Variants in RIMS2 observed in about 807,000 individuals in gnomAD.
RIMS2 encodes regulating synaptic membrane exocytosis 2.
RIMS2 carries 59 observed loss-of-function variants against 174.4 expected under a neutral mutation model. The observed-to-expected ratio is 0.34, with a 90% CI of 0.27 to 0.42. RIMS2 has a LOEUF of 0.42. RIMS2 is among the 10% of genes least tolerant of loss of function. The pLI is 1.00. For missense variants in RIMS2, 1,620 were observed against 1,666.3 expected, an observed-to-expected ratio of 0.97 and a Z score of 0.48; for synonymous variants, 606 against 572.5, an observed-to-expected ratio of 1.06 and a Z score of -0.84.
intron 1 of RIMS2, among the ~76,000 whole-genome samples, chr8:103,556,055 G>C (rs1354535373): frequency 6.6e-6 from 1 of 151,996 alleles, no homozygotes; most frequent in Non-Finnish European, 1.5e-5. Flanking sequence ...TGAAATAAGG[G>C]GATTTGTGAG....
intron 1 of RIMS2, among the ~76,000 whole-genome samples, chr8:103,606,887 A>G (rs1412470629): frequency 6.6e-6 from 1 of 151,394 alleles, no homozygotes; most frequent in Admixed American, 6.6e-5. Flanking sequence ...TTTTGAGCCT[A>G]TGTGTGTCTC....
intron 1 of RIMS2, among the ~76,000 whole-genome samples, chr8:103,679,375 A>G (rs1322635859): frequency 6.6e-6 from 1 of 152,080 alleles, no homozygotes; most frequent in African/African-American, 2.4e-5. Flanking sequence ...GAAACAAGAA[A>G]TTTAACATCA....
intron 4 of RIMS2, among the ~76,000 whole-genome samples, chr8:103,904,191 C>T (rs1289137698): frequency 6.6e-6 from 1 of 152,040 alleles, no homozygotes; most frequent in African/African-American, 2.4e-5. Flanking sequence ...TGAATGAAAT[C>T]ATACAGTATG....
intron 19 of RIMS2, among the ~76,000 whole-genome samples, chr8:104,188,115 T>C (rs2098977740): frequency 1.3e-5 from 2 of 151,674 alleles, no homozygotes; most frequent in East Asian, 3.9e-4. Flanking sequence ...AATAGGACAA[T>C]ACTTAAATGA....
intron 1 of RIMS2, among the ~76,000 whole-genome samples, chr8:103,651,057 G>A (rs1022139759): frequency 9.8e-5 from 15 of 152,320 alleles, no homozygotes; most frequent in Admixed American, 2.0e-4. Flanking sequence ...CTAAGCAGCC[G>A]CTCTGCCGAA....
At chr8:103,814,858 A>G (rs1027304211) in intron 3 of RIMS2, among the ~76,000 whole-genome samples, 3 of 152,198 alleles carry the variant, frequency 2.0e-5, no homozygotes, top group African/African-American at 7.2e-5. Context: ...CAAAATATCT[A>G]TATCTATACT....
Position 103,926,592 on chromosome 8 carries a change from T to G in RIMS2, c.2197-1250T>G, listed in dbSNP as rs574985863. On this transcript the variant is annotated intron_variant, in intron 10 of 23. Transcript: ENST00000504942. Reference sequence around the variant, plus strand: ...ACGTGTCTGTTCAATGCCAACTGAATTGAGCAAAAGTACTCCTAGTACTCA... The same window carrying G: ...ACGTGTCTGTTCAATGCCAACTGAAGTGAGCAAAAGTACTCCTAGTACTCA... Among the ~76,000 whole-genome samples, 23 of 151,668 alleles carry G rather than the reference T, an allele frequency of 1.5e-4. No individual in the cohort carries two copies. In the East Asian group the frequency reaches 4.1e-3, roughly 27 times the overall value.
At position 103,501,060 on chromosome 8, in the gene RIMS2, CAAGT is replaced by C; in HGVS notation, c.176+2_176+5del. On this transcript the variant is annotated splice_donor_variant and coding_sequence_variant, in exon 1 of 24. Coordinates refer to ENST00000504942, the Ensembl canonical transcript of RIMS2. LOFTEE classifies it high-confidence loss of function. The stretch of plus-strand genomic sequence containing the variant: ...AAGAGGAGAAGGAGCAGTCCGTGCT[CAAGT>C]AAGGACCTGGCTCCATATTCCCGCC... 6.3e-7 allele frequency: 1 copy of C among 1,597,046 alleles called. No homozygotes were observed. Among genetic ancestry groups the C allele is most frequent in the Non-Finnish European group, 8.5e-7 (1 of 1,172,432 alleles).
At chr8:103,650,648 G>C (rs1448057055) in intron 1 of RIMS2, among the ~76,000 whole-genome samples, 1 of 152,240 alleles carries the variant, frequency 6.6e-6, no homozygotes, top group Non-Finnish European at 1.5e-5. Context: ...AAGTGAGGAG[G>C]AATGAATTGG....
intron 15 of RIMS2, among the ~76,000 whole-genome samples, chr8:103,969,839 C>T (rs1379467479): frequency 2.0e-5 from 3 of 152,202 alleles, no homozygotes. Flanking sequence ...CCTCTGCCTA[C>T]TGGGCTCAAG....
intron 1 of RIMS2, among the ~76,000 whole-genome samples, chr8:103,663,681 C>A (rs915344154): frequency 1.3e-5 from 2 of 152,020 alleles, no homozygotes; most frequent in Non-Finnish European, 2.9e-5. Context: ...TAGGAAGAGT[C>A]AATATTGTGA....
At chr8:104,171,439 A>G (rs1366527204) in intron 19 of RIMS2, among the ~76,000 whole-genome samples, 1 of 151,884 alleles carries the variant, frequency 6.6e-6, no homozygotes, top group East Asian at 1.9e-4. Context: ...GAAACTTTCC[A>G]CTGCATTTTG....
intron 2 of RIMS2, among the ~76,000 whole-genome samples, chr8:103,731,988 G>T (rs936367734): frequency 6.6e-6 from 1 of 152,142 alleles, no homozygotes; most frequent in East Asian, 1.9e-4. Context: ...CTTGGTGCTT[G>T]TTGATGTTTG....
At chr8:103,803,408 G>A (rs2098628926) in intron 3 of RIMS2, among the ~76,000 whole-genome samples, 1 of 151,958 alleles carries the variant, frequency 6.6e-6, no homozygotes, top group Non-Finnish European at 1.5e-5. Flanking sequence ...AATCCTTGAA[G>A]ACCTCAAAGA....
At chr8:104,177,607 G>T (rs961677865) in intron 19 of RIMS2, among the ~76,000 whole-genome samples, 32 of 152,016 alleles carry the variant, frequency 2.1e-4, no homozygotes, top group African/African-American at 7.2e-4. Flanking sequence ...GGCAAAGAAG[G>T]AATAATCACA....
At chr8:103,873,980 T>A (rs371102367) in intron 3 of RIMS2, among the ~76,000 whole-genome samples, 1 of 152,058 alleles carries the variant, frequency 6.6e-6, no homozygotes, top group African/African-American at 2.4e-5. Flanking sequence ...TTAAAGATAA[T>A]TTATTTGTTT....
intron 19 of RIMS2, among the ~76,000 whole-genome samples, chr8:104,092,146 C>T (rs2097671139): frequency 6.6e-6 from 1 of 151,722 alleles, no homozygotes; most frequent in Non-Finnish European, 1.5e-5. Context: ...CAACAGATCA[C>T]TTATATCGGA....
At chr8:103,785,424 C>A (rs200559400) in intron 3 of RIMS2, among the ~76,000 whole-genome samples, 2 of 151,420 alleles carry the variant, frequency 1.3e-5, no homozygotes, top group Non-Finnish European at 2.9e-5. Flanking sequence ...GATAGCTCTT[C>A]TTATTTTGAG....
chr8:103,575,419 T>G (rs977727126), intron 1 of RIMS2, among the ~76,000 whole-genome samples: 3 of 152,002 alleles, frequency 2.0e-5, no homozygotes, highest in Non-Finnish European at 4.4e-5. Context: ...GACCCAGAAA[T>G]TCCATTCCTA....
Sources: allele counts gnomAD v4.1 joint callset (sites outside exome capture counted in the v4.1 genomes callset), GRCh38; gene constraint gnomAD v4.1.1; transcripts MANE v1.5; gene names NCBI Gene and HGNC (gene_info 2026-07-23, HGNC 2026-07-21).